NRG3: variants seen among roughly 807,000 people sequenced by gnomAD.
The protein encoded by NRG3 is pro-neuregulin-3, membrane-bound isoform.
In NRG3, 31 loss-of-function variants were observed where a neutral mutation model predicts 66.9. The ratio of observed to expected loss-of-function variants is 0.46; its 90% confidence interval spans 0.35 to 0.63. NRG3 has a LOEUF of 0.63. Among genes scored for constraint, NRG3 ranks in the 20% least tolerant of loss-of-function variants. NRG3 has a pLI of 0.00. For synonymous variants in NRG3, 393 were observed against 359.4 expected (o/e 1.09, Z -1.06); for missense variants, 910 against 878.9 (o/e 1.04, Z -0.45).
Position 82,232,606 on chromosome 10 carries a change from T to C in NRG3, c.824-126133T>C, listed in dbSNP as rs987073772. On this transcript the variant is annotated intron_variant, in intron 1 of 8. Transcript: ENST00000372141. ...CTAATACAGACTTTCATTGTTTTTC[T>C]CTTTTGCTGCATCTATAAATATTAT... 8.3e-6 allele frequency: 5 copies of C among 601,618 alleles called. No homozygotes were observed. The Admixed American group carries it at 1.4e-4, about 17-fold the overall frequency. 37.3% of individuals were successfully genotyped at this position (601,618 alleles called of 1,614,324 possible).
intron 2 of NRG3, among the ~76,000 whole-genome samples, chr10:82,485,363 G>T (rs1205226116): frequency 6.6e-6 from 1 of 151,262 alleles, no homozygotes; most frequent in Admixed American, 6.6e-5. Context: ...ATGTATGTTT[G>T]AATAATTCAA....
At chr10:82,003,408 G>T (rs2061249974) in intron 1 of NRG3, among the ~76,000 whole-genome samples, 1 of 152,140 alleles carries the variant, frequency 6.6e-6, no homozygotes, top group South Asian at 2.1e-4. Flanking sequence ...AAAGCATCTA[G>T]GATAGAATAC....
chr10:82,374,278 T>A (rs1018199767), intron 2 of NRG3, among the ~76,000 whole-genome samples: 1 of 152,208 alleles, frequency 6.6e-6, no homozygotes, highest in Non-Finnish European at 1.5e-5. Flanking sequence ...CCACATTTGA[T>A]ACATGACAAG....
At chr10:82,903,275 A>G (rs1178354515) in intron 4 of NRG3, among the ~76,000 whole-genome samples, 1 of 152,156 alleles carries the variant, frequency 6.6e-6, no homozygotes, top group Non-Finnish European at 1.5e-5. Context: ...TTTGCTTAAA[A>G]TACGTGTGAT....
At chr10:82,521,106 CTT>C in intron 2 of NRG3, among the ~76,000 whole-genome samples, 2 of 152,306 alleles carry the variant, frequency 1.3e-5, no homozygotes, top group Middle Eastern at 3.4e-3. Context: ...AAGTCACACT[CTT>C]TTGATTTATC....
chr10:81,997,550 C>T (rs1266519516), intron 1 of NRG3, among the ~76,000 whole-genome samples: 1 of 151,818 alleles, frequency 6.6e-6, no homozygotes, highest in Non-Finnish European at 1.5e-5. Context: ...TGGAGGGCCC[C>T]GAATTCCAAT....
chr10:82,727,928 A>G (rs2820097), intron 2 of NRG3, among the ~76,000 whole-genome samples: 83,794 of 151,914 alleles, frequency 0.55, 23,680 homozygotes, highest in East Asian at 0.64. Context: ...GTGTCAAAGG[A>G]GATCATTTTG....
chr10:82,536,547 G>A (rs1403755035), intron 2 of NRG3, among the ~76,000 whole-genome samples: 2 of 151,964 alleles, frequency 1.3e-5, no homozygotes, highest in Non-Finnish European at 2.9e-5. Flanking sequence ...AATTTTTTTT[G>A]TTTGCTCGTA....
At chr10:82,300,363 T>G (rs2080325331) in intron 1 of NRG3, among the ~76,000 whole-genome samples, 1 of 152,196 alleles carries the variant, frequency 6.6e-6, no homozygotes, top group African/African-American at 2.4e-5. Flanking sequence ...TCCTTTTACT[T>G]TTGTGTGTTT....
intron 3 of NRG3, among the ~76,000 whole-genome samples, chr10:82,741,660 G>T (rs151002014): frequency 1.3e-5 from 2 of 152,130 alleles, no homozygotes; most frequent in East Asian, 3.9e-4. Context: ...GAGAAAATTA[G>T]ACCTCAGGGA....
At chr10:82,542,143 A>ATGG in intron 2 of NRG3, among the ~76,000 whole-genome samples, 1 of 151,940 alleles carries the variant, frequency 6.6e-6, no homozygotes, top group Non-Finnish European at 1.5e-5. Flanking sequence ...CTCATTTTTC[A>ATGG]ACTCCCACTT....
At chr10:82,795,132 A>G (rs115882575) in intron 3 of NRG3, among the ~76,000 whole-genome samples, 1 of 152,250 alleles carries the variant, frequency 6.6e-6, no homozygotes, top group East Asian at 1.9e-4. Context: ...ATATCTTCAA[A>G]TAAATGATTG....
At chr10:82,442,784 ATTTTTTTTTTTTTTT>A (rs61261285) in intron 2 of NRG3, among the ~76,000 whole-genome samples, 27 of 54,274 alleles carry the variant, frequency 5.0e-4, no homozygotes, top group Admixed American at 7.4e-4. Flanking sequence ...TTCTGTGTGG[ATTTTTTTTTTTTTTT>A]TTTTTTTTTT....
At chr10:82,611,677 A>G (rs1280227387) in intron 2 of NRG3, among the ~76,000 whole-genome samples, 1 of 152,198 alleles carries the variant, frequency 6.6e-6, no homozygotes, top group Non-Finnish European at 1.5e-5. Flanking sequence ...ATTGATGGAC[A>G]TTTGGGTTGG....
chr10:82,332,717 A>G lies in NRG3; in HGVS notation c.824-26022A>G, dbSNP rs116215981. On this transcript the variant is annotated intron_variant, in intron 1 of 8. Transcript: ENST00000372141. ...GCATGAGATCAATATCAAGGAGACA[A>G]TCAATCACTTATCTTTCATGTCTCT... 4.5e-3 allele frequency among the ~76,000 whole-genome samples: 684 copies of G among 152,320 alleles called. 1 individual carries two copies. The highest frequency in any genetic ancestry group is 0.015 in the African/African-American group (643 of 41,572).
intron 2 of NRG3, among the ~76,000 whole-genome samples, chr10:82,440,053 C>T (rs1279701628): frequency 6.6e-6 from 1 of 151,974 alleles, no homozygotes; most frequent in Non-Finnish European, 1.5e-5. Context: ...GTAAGTAGAG[C>T]ATATCTGGAA....
chr10:82,583,335 AT>A (rs1269433607), intron 2 of NRG3, among the ~76,000 whole-genome samples: 3 of 152,150 alleles, frequency 2.0e-5, no homozygotes, highest in Non-Finnish European at 2.9e-5. Flanking sequence ...TCCCAAGTGA[AT>A]TTTCTCCACT....
chr10:82,628,130 G>A (rs184253149), intron 2 of NRG3, among the ~76,000 whole-genome samples: 46 of 152,272 alleles, frequency 3.0e-4, no homozygotes, highest in South Asian at 2.9e-3. Context: ...GAGGTGGAGA[G>A]AGTCTCTCAA....
chr10:82,547,501 A>G (rs911957891), intron 2 of NRG3, among the ~76,000 whole-genome samples: 3 of 150,632 alleles, frequency 2.0e-5, no homozygotes, highest in African/African-American at 4.9e-5. Flanking sequence ...ACATATGTGT[A>G]TATATATATT....
Sources: gnomAD v4.1 joint callset for allele counts (sites outside exome capture counted in the v4.1 genomes callset) on GRCh38, gnomAD v4.1.1 for gene constraint, MANE v1.5 for transcripts, NCBI Gene and HGNC (gene_info 2026-07-23, HGNC 2026-07-21) for gene names.